The following PCDHGA6 variants were observed in gnomAD, a reference collection of about 807,000 sequenced individuals.
PCDHGA6 encodes the protein protocadherin gamma subfamily A, 6, also known as protocadherin gamma-A6.
Under a neutral mutation model 60.6 loss-of-function variants are expected in PCDHGA6, and 41 were observed. The ratio of observed to expected loss-of-function variants is 0.68; its 90% CI spans 0.53 to 0.88. The LOEUF (loss-of-function observed/expected upper bound fraction) is 0.88. Among genes scored for constraint, PCDHGA6 ranks in the 40% least tolerant of loss-of-function variants. The pLI, the probability that PCDHGA6 is intolerant of heterozygous loss-of-function variation, is 0.00. For synonymous variants in PCDHGA6, 594 were observed against 524.4 expected, an observed-to-expected ratio of 1.13 and a Z score of -1.81; for missense variants, 1,312 against 1,203.0, an observed-to-expected ratio of 1.09 and a Z score of -1.34.
intron 1 of PCDHGA6, among the ~76,000 whole-genome samples, chr5:141,456,919 C>T (rs2098898169): frequency 1.3e-5 from 2 of 152,124 alleles, no homozygotes; most frequent in South Asian, 4.1e-4. Context: ...GCCGAGATCG[C>T]ACCACTGCAC....
intron 1 of PCDHGA6, among the ~76,000 whole-genome samples, chr5:141,469,170 G>A (rs2099192781): frequency 6.6e-6 from 1 of 152,042 alleles, no homozygotes; most frequent in South Asian, 2.1e-4. Context: ...CAGCTACTTG[G>A]GAGGCTGAGG....
At chr5:141,494,069 C>T (rs1249076667) in intron 1 of PCDHGA6, among the ~76,000 whole-genome samples, 1 of 152,146 alleles carries the variant, frequency 6.6e-6, no homozygotes, top group Non-Finnish European at 1.5e-5. Context: ...GAGCTGGATC[C>T]CTCCCCGCTG....
At chr5:141,420,817 A>G (rs547074952) in intron 1 of PCDHGA6, among the ~76,000 whole-genome samples, 2 of 152,354 alleles carry the variant, frequency 1.3e-5, no homozygotes, top group South Asian at 2.1e-4. Flanking sequence ...AGCCCTTTTA[A>G]TAATTACTCC....
At chr5:141,402,353 GA>G (rs1261209598) in intron 1 of PCDHGA6, among the ~76,000 whole-genome samples, 2 of 151,844 alleles carry the variant, frequency 1.3e-5, no homozygotes, top group Non-Finnish European at 2.9e-5. Context: ...AATTAAAAAT[GA>G]ATGTACTTCC....
rs1316631653 is a variant in PCDHGA6 at position 141,388,751 on chromosome 5, A to G, written c.2424+12244A>G. The G allele has an allele frequency of 4.3e-6, 7 of 1,613,980 alleles. No homozygotes were observed. In the Admixed American group the frequency reaches 5.0e-5, roughly 12 times the overall value. ...TCAGTGAAGCTAGCCAGATCACCCAATTTGACCTGAACTCTAACACCGGGG... is the reference window on the plus strand; with the variant it reads ...TCAGTGAAGCTAGCCAGATCACCCAGTTTGACCTGAACTCTAACACCGGGG... On this transcript the variant is annotated intron_variant, in intron 1 of 3. Coordinates refer to ENST00000517434, the MANE Select transcript of PCDHGA6 (RefSeq NM_018919.3).
intron 1 of PCDHGA6, among the ~76,000 whole-genome samples, chr5:141,445,156 GT>G (rs1248104914): frequency 6.6e-6 from 1 of 152,018 alleles, no homozygotes; most frequent in Non-Finnish European, 1.5e-5. Flanking sequence ...TTCATTTCTA[GT>G]TTACAGAAAA....
intron 1 of PCDHGA6, among the ~76,000 whole-genome samples, chr5:141,474,705 A>C (rs114026580): frequency 0.01 from 1,561 of 152,324 alleles, 35 homozygotes; most frequent in African/African-American, 0.035. Context: ...TCAAGGTTCT[A>C]TTATACTTCA....
chr5:141,410,841 G>GT, intron 1 of PCDHGA6: 1 of 214,604 alleles, frequency 4.7e-6, no homozygotes, highest in Non-Finnish European at 7.8e-6. Context: ...AAGATATTTT[G>GT]TCTTTGTCTT....
intron 1 of PCDHGA6, chr5:141,441,118 G>C (rs1265461098): frequency 6.6e-6 from 1 of 152,212 alleles, no homozygotes; most frequent in Non-Finnish European, 1.5e-5. Flanking sequence ...CCAGTGTACA[G>C]TTGAGACCGA....
chr5:141,505,243 G>A (rs2099844728), intron 2 of PCDHGA6, 150 bp from the exon 3 acceptor site: 1 of 1,424,622 alleles, frequency 7.0e-7, no homozygotes, highest in Non-Finnish European at 9.4e-7. Flanking sequence ...CTGAAGGATT[G>A]TAGAAGTGCC....
chr5:141,477,344 A>C lies in PCDHGA6; in HGVS notation c.2425-17463A>C. On this transcript the variant is annotated intron_variant, in intron 1 of 3. Coordinates refer to ENST00000517434, the MANE Select transcript of PCDHGA6 (RefSeq NM_018919.3). The surrounding 1 kb of genome is among the most constrained non-coding windows in gnomAD (Gnocchi z 4.9). Reference sequence around the variant, plus strand: ...TTCCCTCAAGAATTACTTCACTTTGAAAACCAGTGCAGACCTGGATCGGGA... The same window carrying C: ...TTCCCTCAAGAATTACTTCACTTTGCAAACCAGTGCAGACCTGGATCGGGA... 6.2e-7 allele frequency: 1 copy of C among 1,614,154 alleles called. No homozygotes were observed. The highest frequency in any genetic ancestry group is 8.5e-7 in the Non-Finnish European group (1 of 1,180,034).
chr5:141,410,078 G>T, intron 1 of PCDHGA6: 4 of 1,612,820 alleles, frequency 2.5e-6, no homozygotes, highest in East Asian at 2.2e-5. Flanking sequence ...CACTGGGGAG[G>T]TGCGCACGGC....
At chr5:141,471,590 T>C (rs2099260583) in intron 1 of PCDHGA6, 1 of 152,120 alleles carries the variant, frequency 6.6e-6, no homozygotes. Flanking sequence ...AAGTAATTGA[T>C]AGTTTCAAAA....
chr5:141,461,667 G>C (rs1337688159), intron 1 of PCDHGA6, among the ~76,000 whole-genome samples: 4 of 151,994 alleles, frequency 2.6e-5, no homozygotes, highest in African/African-American at 9.7e-5. Context: ...TTTAAAGTTT[G>C]TTATTTTGTT....
chr5:141,413,651 C>T (rs377135032), intron 1 of PCDHGA6: 16 of 1,613,658 alleles, frequency 9.9e-6, no homozygotes, highest in Non-Finnish European at 8.5e-6. Context: ...TTTCCTCTCC[C>T]GGAAGCTATT....
At chr5:141,420,468 T>G in intron 1 of PCDHGA6, 1 of 799,886 alleles carries the variant, frequency 1.3e-6, no homozygotes, top group East Asian at 3.3e-5. Context: ...CAAAGACATT[T>G]TAAAGCAAAC....
intron 2 of PCDHGA6, among the ~76,000 whole-genome samples, chr5:141,499,297 T>A (rs1449576891): frequency 1.3e-5 from 2 of 152,036 alleles, no homozygotes; most frequent in Non-Finnish European, 2.9e-5. Flanking sequence ...CACACTACCA[T>A]CCCTCCTCTG....
At chr5:141,430,837 CG>C in intron 1 of PCDHGA6, 1 of 1,560,074 alleles carries the variant, frequency 6.4e-7, no homozygotes, top group African/African-American at 1.4e-5. Flanking sequence ...TGTGGGAGAC[CG>C]GATGCACCCA....
At chr5:141,395,992 T>G (rs915228194) in intron 1 of PCDHGA6, 3 of 152,184 alleles carry the variant, frequency 2.0e-5, no homozygotes, top group African/African-American at 7.2e-5. Context: ...TAAAATGTAA[T>G]TTTAAACTGT....
Sources: gnomAD v4.1 joint callset for allele counts (sites outside exome capture counted in the v4.1 genomes callset) on GRCh38, gnomAD v4.1.1 for gene constraint, Gnocchi (gnomAD v3.1) non-coding constraint, MANE v1.5 for transcripts, NCBI Gene and HGNC (gene_info 2026-07-23, HGNC 2026-07-21) for gene names.